Variants in SDK1 observed in about 807,000 individuals in gnomAD.
SDK1 encodes the protein protein sidekick-1.
In SDK1, 157 loss-of-function variants were observed where a neutral mutation model predicts 245.5. That is an observed-to-expected ratio of 0.64 (90% CI 0.56 to 0.73). The LOEUF is 0.73. Ranked by LOEUF, SDK1 falls within the 30% of genes least tolerant of loss-of-function variation. SDK1 has a pLI of 0.00. For synonymous variants in SDK1, 1,647 were observed against 1,278.5 expected, an observed-to-expected ratio of 1.29 and a Z score of -6.15; for missense variants, 3,583 against 3,002.3, an observed-to-expected ratio of 1.19 and a Z score of -4.52.
At chr7:3,394,565 C>T (rs1781844196) in intron 1 of SDK1, among the ~76,000 whole-genome samples, 1 of 151,782 alleles carries the variant, frequency 6.6e-6, no homozygotes, top group Admixed American at 6.6e-5. Flanking sequence ...AATAAGCCTC[C>T]TGGAATTTGA....
chr7:3,507,783 T>C (rs1327174113), intron 1 of SDK1, among the ~76,000 whole-genome samples: 3 of 152,196 alleles, frequency 2.0e-5, no homozygotes, highest in Non-Finnish European at 4.4e-5. Flanking sequence ...TTGGAATATG[T>C]GTTAGTCTCC....
At chr7:4,065,940 C>G (rs1056918161) in intron 19 of SDK1, among the ~76,000 whole-genome samples, 3 of 151,878 alleles carry the variant, frequency 2.0e-5, no homozygotes, top group African/African-American at 4.8e-5. Flanking sequence ...TGACTTCATG[C>G]TCTCCTATTT....
intron 1 of SDK1, among the ~76,000 whole-genome samples, chr7:3,513,918 A>G (rs1401426650): frequency 6.6e-6 from 1 of 152,174 alleles, no homozygotes; most frequent in Non-Finnish European, 1.5e-5. Flanking sequence ...TTTGCCTAGG[A>G]TAGTGGCCTC....
intron 2 of SDK1, among the ~76,000 whole-genome samples, chr7:3,623,146 C>T (rs1781996920): frequency 1.3e-5 from 2 of 151,932 alleles, no homozygotes; most frequent in Non-Finnish European, 1.5e-5. Context: ...CTGTAAAGAG[C>T]AAATACTACA....
At chr7:3,962,609 A>G (rs1218311693) in intron 8 of SDK1, 48 bp from the exon 9 acceptor site, 1 of 1,448,942 alleles carries the variant, frequency 6.9e-7, no homozygotes, top group Non-Finnish European at 9.4e-7. Flanking sequence ...TTCAGTTCTC[A>G]CGTCAGGAAT....
chr7:3,973,846 CT>C (rs560529809), intron 12 of SDK1, among the ~76,000 whole-genome samples: 1 of 151,854 alleles, frequency 6.6e-6, no homozygotes, highest in Non-Finnish European at 1.5e-5. Context: ...GGTTGCTTTT[CT>C]TTTTTTTATT....
intron 23 of SDK1, 124 bp downstream of exon 23, chr7:4,110,896 CA>C: frequency 1.4e-6 from 1 of 693,778 alleles, no homozygotes; most frequent in East Asian, 2.7e-5. Flanking sequence ...GTGGCAATAA[CA>C]GTACCTAAAA....
At chr7:3,881,987 A>G (rs1781219534) in intron 5 of SDK1, among the ~76,000 whole-genome samples, 1 of 152,136 alleles carries the variant, frequency 6.6e-6, no homozygotes, top group South Asian at 2.1e-4. Context: ...TATAAAGAAA[A>G]AGAGGTTTAA....
At chr7:3,394,364 T>C (rs1394077760) in intron 1 of SDK1, among the ~76,000 whole-genome samples, 1 of 152,160 alleles carries the variant, frequency 6.6e-6, no homozygotes, top group Non-Finnish European at 1.5e-5. Flanking sequence ...TAAGAATTTA[T>C]TGCTGGATTC....
At chr7:4,074,914 A>ATT (rs1346494463) in intron 20 of SDK1, among the ~76,000 whole-genome samples, 36 of 77,072 alleles carry the variant, frequency 4.7e-4, no homozygotes, top group South Asian at 8.7e-4. Flanking sequence ...ATATATATAT[A>ATT]TATTTTTTTT....
intron 44 of SDK1, among the ~76,000 whole-genome samples, chr7:4,248,403 G>A (rs1787051444): frequency 6.7e-6 from 1 of 149,328 alleles, no homozygotes; most frequent in African/African-American, 2.5e-5. Context: ...GCACACATAT[G>A]TACACATACA....
At chr7:3,762,339 G>A (rs980898522) in intron 4 of SDK1, among the ~76,000 whole-genome samples, 8 of 152,164 alleles carry the variant, frequency 5.3e-5, no homozygotes, top group African/African-American at 1.9e-4. Context: ...CTGCTGCAGC[G>A]CTTGGATAGT....
intron 1 of SDK1, among the ~76,000 whole-genome samples, chr7:3,559,854 CTTTGT>C (rs1304890535): frequency 6.6e-6 from 1 of 151,688 alleles, no homozygotes; most frequent in Non-Finnish European, 1.5e-5. Flanking sequence ...CAAGGCTGGT[CTTTGT>C]TTTGTTCACT....
At chr7:3,552,213 A>G (rs940707940) in intron 1 of SDK1, among the ~76,000 whole-genome samples, 4 of 151,946 alleles carry the variant, frequency 2.6e-5, no homozygotes, top group Non-Finnish European at 5.9e-5. Context: ...AATTTTTTGT[A>G]TTTTTAGTAG....
chr7:4,077,676 A>C (rs573046906), intron 21 of SDK1, among the ~76,000 whole-genome samples: 1 of 152,332 alleles, frequency 6.6e-6, no homozygotes, highest in South Asian at 2.1e-4. Context: ...CATGGATGGC[A>C]GCAGGCAAAG....
At chr7:3,474,133 C>A (rs1169811716) in intron 1 of SDK1, among the ~76,000 whole-genome samples, 3 of 105,280 alleles carry the variant, frequency 2.8e-5, no homozygotes, top group Admixed American at 1.5e-4. Context: ...GAGACCGTGT[C>A]TCTCTGTTGC....
intron 1 of SDK1, among the ~76,000 whole-genome samples, chr7:3,604,438 C>G (rs553494437): frequency 1.2e-4 from 18 of 152,116 alleles, no homozygotes; most frequent in African/African-American, 4.3e-4. Flanking sequence ...CAGGCTTTCC[C>G]TCTTTCTAAT....
At chr7:3,957,923 T>C (rs1781396185) in intron 7 of SDK1, 1 of 468,738 alleles carries the variant, frequency 2.1e-6, no homozygotes, top group Middle Eastern at 3.3e-4. Flanking sequence ...GCTTGAGTGG[T>C]CCAGGTAATC....
At chr7:3,414,829 GT>G (rs201373772) in intron 1 of SDK1, among the ~76,000 whole-genome samples, 1 of 151,762 alleles carries the variant, frequency 6.6e-6, no homozygotes, top group African/African-American at 2.4e-5. Context: ...TATAATGTGT[GT>G]TTTTTTTGGT....
Sources: allele counts gnomAD v4.1 joint callset (sites outside exome capture counted in the v4.1 genomes callset), GRCh38; gene constraint gnomAD v4.1.1; transcripts MANE v1.5; gene names NCBI Gene and HGNC (gene_info 2026-07-23, HGNC 2026-07-21).